The following CYB5R3 variants were observed in gnomAD, a reference collection of about 807,000 sequenced individuals.
The protein encoded by CYB5R3 is NADH-cytochrome b5 reductase 3.
CYB5R3 carries 28 observed loss-of-function variants against 36.5 expected under a neutral mutation model. The ratio of observed to expected loss-of-function variants is 0.77; its 90% CI spans 0.57 to 1.05. The LOEUF is 1.05. Ranked by LOEUF, CYB5R3 falls within the 50% of genes least tolerant of loss-of-function variation. The pLI is 0.00. For synonymous variants in CYB5R3, 181 were observed against 159.8 expected (o/e 1.13, Z -1.00); for missense variants, 474 against 408.9 (o/e 1.16, Z -1.37).
chr22:42,624,872 C>G (rs1056521421), intron 7 of CYB5R3, among the ~76,000 whole-genome samples: 1 of 152,164 alleles, frequency 6.6e-6, no homozygotes, highest in East Asian at 1.9e-4. Context: ...GGGAACTGCA[C>G]CCACCCTCCG....
At chr22:42,620,066 A>T (rs1348172255) in intron 8 of CYB5R3, 121 bp from the exon 9 acceptor site, 4 of 1,004,962 alleles carry the variant, frequency 4.0e-6, no homozygotes, top group Non-Finnish European at 6.1e-6. Context: ...ATCCCAGCAA[A>T]CTGTCACCAG....
At chr22:42,622,958 G>T (rs1286051884) in intron 8 of CYB5R3, among the ~76,000 whole-genome samples, 10 of 152,244 alleles carry the variant, frequency 6.6e-5, no homozygotes, top group Non-Finnish European at 1.2e-4. Context: ...TTGAAAAGCA[G>T]AGGCCCTGGC....
intron 7 of CYB5R3, among the ~76,000 whole-genome samples, chr22:42,626,422 C>T (rs1438501655): frequency 6.6e-6 from 1 of 152,186 alleles, no homozygotes; most frequent in African/African-American, 2.4e-5. Flanking sequence ...TGAGATGAGG[C>T]GACCACACTG....
intron 8 of CYB5R3, among the ~76,000 whole-genome samples, chr22:42,621,182 T>TGTGTGTG (rs1219788150): frequency 2.0e-4 from 21 of 104,972 alleles, no homozygotes; most frequent in African/African-American, 9.0e-4. Flanking sequence ...GATTTCTTTT[T>TGTGTGTG]AGTGTGTGTG....
At chr22:42,623,404 C>T (rs1243959566) in intron 8 of CYB5R3, among the ~76,000 whole-genome samples, 1 of 152,202 alleles carries the variant, frequency 6.6e-6, no homozygotes, top group African/African-American at 2.4e-5. Flanking sequence ...CTTGGTGTAA[C>T]TCGGCAGCAC....
At chr22:42,623,909 C>A (rs1262940305) in intron 7 of CYB5R3, 21 bp from the exon 8 acceptor site, 3 of 1,607,862 alleles carry the variant, frequency 1.9e-6, no homozygotes, top group Non-Finnish European at 2.6e-6. Context: ...CAGGGCCAGG[C>A]AGTCAGGAAG....
chr22:42,636,402 T>A (rs1271759725), intron 2 of CYB5R3, among the ~76,000 whole-genome samples: 1 of 151,994 alleles, frequency 6.6e-6, no homozygotes, highest in Non-Finnish European at 1.5e-5. Flanking sequence ...TATCTTCAAA[T>A]CTCTCACCCC....
intron 7 of CYB5R3, among the ~76,000 whole-genome samples, chr22:42,626,711 C>T (rs1569318328): frequency 2.0e-5 from 3 of 152,192 alleles, no homozygotes; most frequent in African/African-American, 7.2e-5. Flanking sequence ...TCATCAGTCA[C>T]AAAACACTAA....
intron 1 of CYB5R3, chr22:42,644,751 G>T: frequency 3.0e-6 from 2 of 673,220 alleles, no homozygotes; most frequent in Non-Finnish European, 3.7e-6. Flanking sequence ...ATTGTTGGGG[G>T]CCCTGGCAAT....
At chr22:42,646,294 T>C (rs1452836630) in intron 1 of CYB5R3, among the ~76,000 whole-genome samples, 2 of 152,080 alleles carry the variant, frequency 1.3e-5, no homozygotes, top group African/African-American at 4.8e-5. Context: ...CCTGACCTAA[T>C]GCCCACAAGC....
intron 7 of CYB5R3, 68 bp from the exon 8 acceptor site, chr22:42,623,956 A>AGACGCGCCTCGTC: frequency 3.5e-6 from 5 of 1,411,102 alleles, no homozygotes; most frequent in Non-Finnish European, 4.0e-6. Flanking sequence ...CACTCAACAG[A>AGACGCGCCTCGTC]GACGCGCCTC....
At chr22:42,644,532 T>C (rs1929446248) in intron 1 of CYB5R3, 3 of 1,460,998 alleles carry the variant, frequency 2.1e-6, no homozygotes, top group Non-Finnish European at 2.8e-6. Context: ...AGCTCAAACA[T>C]CAAATCTTCC....
rs775705749 is a variant in CYB5R3 at position 42,627,400 on chromosome 22, G to A, written c.548-11C>T. ...GCATCGGGGTGATGCCTGCAAAATA[G>A]CCGGCCGGGCCTCGCACGTGCTGAG... is the stretch of plus-strand genomic sequence containing the variant. On this transcript the variant is annotated splice_polypyrimidine_tract_variant and intron_variant, in intron 6 of 8. Coordinates refer to ENST00000352397, the MANE Select transcript of CYB5R3 (RefSeq NM_000398.7). 7.4e-6 allele frequency: 12 copies of A among 1,612,960 alleles called. No individual in the cohort carries two copies. Among genetic ancestry groups the A allele is most frequent in the Non-Finnish European group, 1.0e-5 (12 of 1,179,662 alleles).
rs1435155947 is a variant in CYB5R3, at chr22:42,628,252, A to G, written c.363T>C (p.Phe121=). The part of the protein sequence containing the change: ...KVYFKDTHPK[F]PAGGKMSQYL... Reference sequence around the variant, plus strand: ...ACTGAGACATCTTCCCTCCAGCGGGAAACTTGGGATGGGTGTCCTTGAAGT... The same window carrying G: ...ACTGAGACATCTTCCCTCCAGCGGGGAACTTGGGATGGGTGTCCTTGAAGT... Residue 121 remains phenylalanine, a synonymous_variant, in exon 5 of 9, where the codon TTT becomes TTC. Transcript: ENST00000352397. 6.2e-7 allele frequency: 1 copy of G among 1,613,884 alleles called. No homozygotes were observed. Among genetic ancestry groups the G allele is most frequent in the Non-Finnish European group, 8.5e-7 (1 of 1,179,960 alleles).
At chr22:42,639,866 TGAC>T in intron 1 of CYB5R3, 1 of 1,315,994 alleles carries the variant, frequency 7.6e-7, no homozygotes, top group Non-Finnish European at 1.0e-6. Context: ...TTGGAATTTC[TGAC>T]AAATCTTATT....
intron 8 of CYB5R3, among the ~76,000 whole-genome samples, chr22:42,621,979 A>G (rs979597147): frequency 6.6e-6 from 1 of 152,270 alleles, no homozygotes; most frequent in African/African-American, 2.4e-5. Context: ...GCTGGAGTGC[A>G]GTGGCACCAT....
intron 7 of CYB5R3, among the ~76,000 whole-genome samples, chr22:42,626,383 G>T (rs979818753): frequency 9.9e-5 from 15 of 152,262 alleles, no homozygotes; most frequent in Middle Eastern, 3.4e-3. Flanking sequence ...GCACAGTCAA[G>T]CCCCTCCCGG....
chr22:42,624,028 G>T, intron 7 of CYB5R3, 140 bp from the exon 8 acceptor site: 1 of 727,354 alleles, frequency 1.4e-6, no homozygotes, highest in Non-Finnish European at 2.4e-6. Context: ...CTCGGCCAGA[G>T]ATCACCCTGG....
intron 1 of CYB5R3, among the ~76,000 whole-genome samples, chr22:42,640,773 G>A (rs7284660): frequency 0.16 from 24,035 of 152,098 alleles, 2,571 homozygotes; most frequent in East Asian, 0.58. Flanking sequence ...CCTTCTCAAC[G>A]TGAGAACAAG....
Sources: gnomAD v4.1 joint callset for allele counts (sites outside exome capture counted in the v4.1 genomes callset) on GRCh38, gnomAD v4.1.1 for gene constraint, MANE v1.5 for transcripts, NCBI Gene and HGNC (gene_info 2026-07-23, HGNC 2026-07-21) for gene names.